The following LCAT variants were observed in gnomAD, a reference collection of about 807,000 sequenced individuals.
LCAT encodes phosphatidylcholine-sterol acyltransferase.
In LCAT, 15 loss-of-function variants were observed where a neutral mutation model predicts 41.0. The observed-to-expected ratio is 0.37, with a 90% CI of 0.24 to 0.56. The LOEUF (loss-of-function observed/expected upper bound fraction) is 0.56. LCAT is among the 20% of genes least tolerant of loss of function. The pLI is 0.81. For missense variants in LCAT, 449 were observed against 595.1 expected (o/e 0.75, Z 2.55); for synonymous variants, 248 against 245.4 (o/e 1.01, Z -0.10).
Position 67,943,350 on chromosome 16 carries a change from CCCCTGCTTACACCCCCTCT to C in LCAT, c.155-157_155-139del. The C allele has an allele frequency of 1.0e-5, 8 of 781,492 alleles. No individual in the cohort carries two copies. In the South Asian group the frequency reaches 1.2e-4, roughly 12 times the overall value. 48.4% of individuals were successfully genotyped at this position (781,492 alleles called of 1,614,324 possible). ...CCCAGGTACAAAGCACACTTACCCT[CCCCTGCTTACACCCCCTCT>C]CCCTGCTGTCCCCCCAGTAGCCAAA... On this transcript the variant is annotated intron_variant, in intron 1 of 5. Transcript: ENST00000264005. This position sits in a 1 kb window ranked among gnomAD's most constrained non-coding sequence, Gnocchi z 4.6.
At position 67,943,103 on chromosome 16, in the gene LCAT, G is replaced by A; in HGVS notation, c.264C>T (p.Leu88=). 4 of 1,614,014 alleles carry A rather than the reference G, an allele frequency of 2.5e-6. No individual in the cohort carries two copies. The highest frequency in any genetic ancestry group is 3.4e-6 in the Non-Finnish European group (4 of 1,179,946). ...CTACCCCAAGGGGTAGGAACATGTT[G>A]AGATCCAGCCAGATGGTGAAGAAGT... ...TEDFFTIWLD[L]NMFLPLGVDC... Residue 88 remains leucine (L), a synonymous_variant, in exon 2 of 6, where the codon CTC becomes CTT. Coordinates refer to ENST00000264005, the MANE Select transcript of LCAT (RefSeq NM_000229.2). The surrounding 1 kb of genome is among the most constrained non-coding windows in gnomAD (Gnocchi z 4.6).
In LCAT at chr16:67,943,531, G is replaced by T. The variant is rs2058306224; in HGVS notation, c.155-319C>A. 1 of 515,902 alleles carries T rather than the reference G, an allele frequency of 1.9e-6. No homozygotes were observed. Among genetic ancestry groups the T allele is most frequent in the Non-Finnish European group, 3.5e-6 (1 of 282,890 alleles). 32.0% of individuals were successfully genotyped at this position (515,902 alleles called of 1,614,324 possible). On this transcript the variant is annotated intron_variant, in intron 1 of 5. Coordinates refer to ENST00000264005, the MANE Select transcript of LCAT (RefSeq NM_000229.2). The surrounding 1 kb of genome is among the most constrained non-coding windows in gnomAD (Gnocchi z 4.6). ...AAGGTGGGAACAGATAGGTCTGGGG[G>T]CATGGGGGCTGGGCCTAATAGGGGC...
In LCAT at chr16:67,942,948, C is replaced by G. The variant is rs35673026; in HGVS notation, c.340G>C (p.Val114Leu). The G allele has an allele frequency of 2.5e-6, 4 of 1,613,738 alleles. No homozygotes were observed. The highest frequency in any genetic ancestry group is 3.4e-6 in the Non-Finnish European group (4 of 1,179,988). ...RVVYNRSSGLVSNAPGVQIRV... is the reference protein window; with the variant it reads ...RVVYNRSSGLLSNAPGVQIRV... ...ATCTGGACACCAGGGGCGTTGGACA[C>G]GAGCCCAGAGCTCCGGTTGTAGACA... Residue 114 changes from valine to leucine, a missense_variant, in exon 3 of 6, where the codon GTG becomes CTG. Coordinates refer to ENST00000264005, the MANE Select transcript of LCAT (RefSeq NM_000229.2). The surrounding 1 kb of genome is among the most constrained non-coding windows in gnomAD (Gnocchi z 6.6).
Position 67,942,990 on chromosome 16 carries a change from G to A in LCAT, c.312-14C>T. 1 of 1,613,666 alleles carries A rather than the reference G, an allele frequency of 6.2e-7. No homozygotes were observed. Among genetic ancestry groups the A allele is most frequent in the Non-Finnish European group, 8.5e-7 (1 of 1,179,848 alleles). ...TTGTAGACAACCCTGCGGGGCGGGGGTGCCACTCAGCAGCCAGTAGCCAAG... is the reference window on the plus strand; with the variant it reads ...TTGTAGACAACCCTGCGGGGCGGGGATGCCACTCAGCAGCCAGTAGCCAAG... On this transcript the variant is annotated splice_polypyrimidine_tract_variant and intron_variant, in intron 2 of 5. Transcript: ENST00000264005. The surrounding 1 kb of genome is among the most constrained non-coding windows in gnomAD (Gnocchi z 6.6).
chr16:67,942,252 T>G lies in LCAT; in HGVS notation c.748+111A>C. The G allele has an allele frequency of 7.6e-7, 1 of 1,309,760 alleles. No homozygotes were observed. The allele number at this position is 1,309,760 out of a possible 1,614,324, so 81.1% of individuals were successfully genotyped here. ...GACAGCAAGCATGCCAGCCCAGGAG[T>G]GGTAGATAGCACCCCTAGAGGCCAC... On this transcript the variant is annotated intron_variant, in intron 5 of 5. Transcript: ENST00000264005. The surrounding 1 kb of genome is among the most constrained non-coding windows in gnomAD (Gnocchi z 6.6).
rs13306496 is a variant in LCAT, at chr16:67,942,789, G to A, written c.428-23C>T. ...ACCCTGTGGGGGGACCAGCAGCACCGGGGGCTTGGGCCATGCCTGCTGTGG... is the reference window on the plus strand; with the variant it reads ...ACCCTGTGGGGGGACCAGCAGCACCAGGGGCTTGGGCCATGCCTGCTGTGG... On this transcript the variant is annotated intron_variant, in intron 3 of 5. Coordinates refer to ENST00000264005, the MANE Select transcript of LCAT (RefSeq NM_000229.2). This position sits in a 1 kb window ranked among gnomAD's most constrained non-coding sequence, Gnocchi z 6.6. 5.0e-6 allele frequency: 8 copies of A among 1,612,034 alleles called. No individual in the cohort carries two copies. The highest frequency in any genetic ancestry group is 2.2e-5 in the East Asian group (1 of 44,892).
At chr16:67,940,538 C>T in intron 5 of LCAT, 60 bp from the exon 6 acceptor site, 1 of 1,606,772 alleles carries the variant, frequency 6.2e-7, no homozygotes, top group African/African-American at 1.3e-5. Flanking sequence ...GGCCCACAAC[C>T]TGCTGAGTGT....
Position 67,942,287 on chromosome 16 carries a change from G to A in LCAT, c.748+76C>T, listed in dbSNP as rs1407010904. ...CACCCCTAGAGGCCACTGTGAGCAG[G>A]AGCCGCAATGAAGGCAGGCCCAGGA... On this transcript the variant is annotated intron_variant, in intron 5 of 5. Transcript: ENST00000264005. This position sits in a 1 kb window ranked among gnomAD's most constrained non-coding sequence, Gnocchi z 6.6. The A allele has an allele frequency of 4.0e-6, 6 of 1,483,846 alleles. No homozygotes were observed. Among genetic ancestry groups the A allele is most frequent in the Middle Eastern group, 2.0e-4 (1 of 5,088 alleles). The allele number at this position is 1,483,846 out of a possible 1,614,324, so 91.9% of individuals were successfully genotyped here.
At position 67,943,387 on chromosome 16, in the gene LCAT, T is replaced by C; in HGVS notation, c.155-175A>G. 3 of 590,700 alleles carry C rather than the reference T, an allele frequency of 5.1e-6. No individual in the cohort carries two copies. The highest frequency in any genetic ancestry group is 1.7e-5 in the South Asian group (1 of 57,872). The allele number at this position is 590,700 out of a possible 1,614,324, so 36.6% of individuals were successfully genotyped here. On this transcript the variant is annotated intron_variant, in intron 1 of 5. Coordinates refer to ENST00000264005, the MANE Select transcript of LCAT (RefSeq NM_000229.2). The surrounding 1 kb of genome is among the most constrained non-coding windows in gnomAD (Gnocchi z 4.6). Reference sequence around the variant, plus strand: ...CCCCCTCTCCCTGCTGTCCCCCCAGTAGCCAAAGCCCAGGCTTCCCTGAGG... The same window carrying C: ...CCCCCTCTCCCTGCTGTCCCCCCAGCAGCCAAAGCCCAGGCTTCCCTGAGG...
At chr16:67,941,119 C>G (rs1194889532) in intron 5 of LCAT, among the ~76,000 whole-genome samples, 1 of 152,088 alleles carries the variant, frequency 6.6e-6, no homozygotes, top group African/African-American at 2.4e-5. Flanking sequence ...GCCTGGCCAA[C>G]ATGGGGAAAC....
rs769638337 is a variant in LCAT at position 67,939,902 on chromosome 16, C to A, written c.*2G>T. On this transcript the variant is annotated 3_prime_UTR_variant, in exon 6 of 6. Transcript: ENST00000264005. ...AGGGCTTACGGTAGCAAAGGAAGGT[C>A]TTTATTCAGGAGGCGGGGGCTCTGG... The A allele has an allele frequency of 6.2e-7, 1 of 1,611,634 alleles. No homozygotes were observed. The highest frequency in any genetic ancestry group is 1.7e-5 in the Admixed American group (1 of 60,006).
In LCAT at chr16:67,943,798, C is replaced by T. The variant is rs1296324800; in HGVS notation, c.154+150G>A. Reference sequence around the variant, plus strand: ...GAAGGGACGTCATTCCTCTAAGGGACAAGCTTTTGGCCCCTCCCCACACCA... The same window carrying T: ...GAAGGGACGTCATTCCTCTAAGGGATAAGCTTTTGGCCCCTCCCCACACCA... On this transcript the variant is annotated intron_variant, in intron 1 of 5. Coordinates refer to ENST00000264005, the MANE Select transcript of LCAT (RefSeq NM_000229.2). This position sits in a 1 kb window ranked among gnomAD's most constrained non-coding sequence, Gnocchi z 4.6. 2.8e-6 allele frequency: 2 copies of T among 722,514 alleles called. No individual in the cohort carries two copies. The highest frequency in any genetic ancestry group is 4.5e-6 in the Non-Finnish European group (2 of 444,852). The allele number at this position is 722,514 out of a possible 1,614,324, so 44.8% of individuals were successfully genotyped here. A position where few individuals can be genotyped will look rare whatever the true frequency, so the allele number is the denominator to read the frequency against.
At position 67,940,443 on chromosome 16, in the gene LCAT, T is replaced by C. The variant is rs1166865436; in HGVS notation, c.784A>G (p.Lys262Glu). The change falls in exon 6 of 6, where the codon AAG (lysine) becomes GAG (glutamate). Residue 262 changes from lysine to glutamate, a missense_variant. Lys to Glu is a moderately conservative substitution (Grantham distance 56, BLOSUM62 1). Transcript: ENST00000264005. Reference sequence around the variant, plus strand: ...GTTATGCGCTGCTCCTCTTTCAGCTTGATGCTGGACATGATGGGGATGCCC... The same window carrying C: ...GTTATGCGCTGCTCCTCTTTCAGCTCGATGCTGGACATGATGGGGATGCCC... The part of the protein sequence containing the change: ...NQGIPIMSSI[K>E]LKEEQRITTT... 2 of 1,613,932 alleles carry C rather than the reference T, an allele frequency of 1.2e-6. No homozygotes were observed.
Position 67,944,067 on chromosome 16 carries a change from G to A in LCAT, c.35C>T (p.Thr12Met), listed in dbSNP as rs560140762. The change falls in exon 1 of 6, where the codon ACG becomes ATG. Residue 12 changes from threonine (T) to methionine (M), a missense_variant. By Grantham distance (81) the Thr-to-Met change is moderately conservative. Transcript: ENST00000264005. The surrounding 1 kb of genome is among the most constrained non-coding windows in gnomAD (Gnocchi z 6.6). ...AGGGAGCAGCAGCCCCAGCAGCAGC[G>A]TCACCCACTGCCATGGGGAGCCGGG... ...GPPGSPWQWVTLLLGLLLPPA... is the reference protein window; with the variant it reads ...GPPGSPWQWVMLLLGLLLPPA... 1.3e-4 allele frequency: 197 copies of A among 1,548,190 alleles called. 1 individual carries two copies. The Middle Eastern group carries it at 4.1e-3, about 32-fold the overall frequency.
In LCAT at chr16:67,944,031, G is replaced by A. The variant is rs1051642208; in HGVS notation, c.71C>T (p.Pro24Leu). The change falls in exon 1 of 6, where the codon CCC (proline) becomes CTC (leucine). Residue 24 changes from proline (P) to leucine (L), a missense_variant. Pro to Leu is a moderately conservative substitution (Grantham distance 98, BLOSUM62 -3). Coordinates refer to ENST00000264005, the MANE Select transcript of LCAT (RefSeq NM_000229.2). The surrounding 1 kb of genome is among the most constrained non-coding windows in gnomAD (Gnocchi z 6.6). ...LLGLLLPPAA[P>L]FWLLNVLFPP... Reference sequence around the variant, plus strand: ...GAAGAGCACATTGAGGAGCCAGAAGGGGGCGGCAGGAGGGAGCAGCAGCCC... The same window carrying A: ...GAAGAGCACATTGAGGAGCCAGAAGAGGGCGGCAGGAGGGAGCAGCAGCCC... 1.3e-6 allele frequency: 2 copies of A among 1,547,788 alleles called. No individual in the cohort carries two copies. Among genetic ancestry groups the A allele is most frequent in the South Asian group, 1.2e-5 (1 of 83,848 alleles).
Position 67,943,213 on chromosome 16 carries a change from C to T in LCAT, c.155-1G>A. ...AGCTGATTCCCCAGGCAGCCGGGCA[C>T]TGTGAGCAGCAGCCCTCACTCTGGA... is the stretch of plus-strand genomic sequence containing the variant. On this transcript the variant is annotated splice_acceptor_variant, in intron 1 of 5. Coordinates refer to ENST00000264005, the MANE Select transcript of LCAT (RefSeq NM_000229.2). LOFTEE classifies it high-confidence loss of function. The surrounding 1 kb of genome is among the most constrained non-coding windows in gnomAD (Gnocchi z 4.6). The T allele has an allele frequency of 6.2e-7, 1 of 1,612,740 alleles. No homozygotes were observed. The highest frequency in any genetic ancestry group is 1.9e-4 in the Middle Eastern group (1 of 5,366).
In LCAT at chr16:67,939,805, G is replaced by T; in HGVS notation, c.*99C>A. On this transcript the variant is annotated 3_prime_UTR_variant, in exon 6 of 6. Coordinates refer to ENST00000264005, the MANE Select transcript of LCAT (RefSeq NM_000229.2). ...CTTGCCTCACTGCACACAGCACTGA[G>T]CCTGTGGCTGGTGAGGAGTGAAACC... 6.4e-7 allele frequency: 1 copy of T among 1,550,800 alleles called. No individual in the cohort carries two copies. The highest frequency in any genetic ancestry group is 1.2e-5 in the South Asian group (1 of 80,618).
At chr16:67,941,657 G>A (rs1029064541) in intron 5 of LCAT, 87 of 985,172 alleles carry the variant, frequency 8.8e-5, no homozygotes, top group Non-Finnish European at 1.0e-4. Context: ...GAGGACCAGG[G>A]TGTGTGGGGA....
Position 67,943,900 on chromosome 16 carries a change from G to T in LCAT, c.154+48C>A. ...TCAGCTGCCAGGGGCTGGGGCCCAGGCTCCCCAGGGTCTGGCGTGGTGCAT... is the reference window on the plus strand; with the variant it reads ...TCAGCTGCCAGGGGCTGGGGCCCAGTCTCCCCAGGGTCTGGCGTGGTGCAT... On this transcript the variant is annotated intron_variant, in intron 1 of 5. Transcript: ENST00000264005. This position sits in a 1 kb window ranked among gnomAD's most constrained non-coding sequence, Gnocchi z 4.6. 1 of 1,487,626 alleles carries T rather than the reference G, an allele frequency of 6.7e-7. No individual in the cohort carries two copies. Among genetic ancestry groups the T allele is most frequent in the Non-Finnish European group, 9.0e-7 (1 of 1,106,026 alleles). The allele number at this position is 1,487,626 out of a possible 1,614,324, so 92.2% of individuals were successfully genotyped here. A position where few individuals can be genotyped will look rare whatever the true frequency, so the allele number is the denominator to read the frequency against.
Sources: allele counts gnomAD v4.1 joint callset (sites outside exome capture counted in the v4.1 genomes callset), GRCh38; gene constraint gnomAD v4.1.1; non-coding constraint Gnocchi (gnomAD v3.1); transcripts MANE v1.5; gene names NCBI Gene and HGNC (gene_info 2026-07-23, HGNC 2026-07-21).